The following CSMD2 variants were observed in gnomAD, a reference collection of about 807,000 sequenced individuals.
The protein encoded by CSMD2 is CUB and sushi domain-containing protein 2.
Under a neutral mutation model 398.5 loss-of-function variants are expected in CSMD2, and 130 were observed. That is an observed-to-expected ratio of 0.33 (90% CI 0.28 to 0.38). CSMD2 has a LOEUF of 0.38. Ranked by LOEUF, CSMD2 falls within the 10% of genes least tolerant of loss-of-function variation. The pLI, the probability that CSMD2 is intolerant of heterozygous loss-of-function variation, is 1.00. For synonymous variants in CSMD2, 1,828 were observed against 1,908.5 expected (o/e 0.96, Z 1.10); for missense variants, 3,829 against 4,764.9 (o/e 0.80, Z 5.78).
chr1:33,745,147 T>G (rs1455930608), intron 13 of CSMD2, among the ~76,000 whole-genome samples: 2 of 152,198 alleles, frequency 1.3e-5, no homozygotes, highest in African/African-American at 4.8e-5. Context: ...GTAGAAAGAA[T>G]GTTAAACATA....
At chr1:33,625,957 C>T (rs1389718957) in intron 33 of CSMD2, among the ~76,000 whole-genome samples, 3 of 152,212 alleles carry the variant, frequency 2.0e-5, no homozygotes, top group African/African-American at 4.8e-5. Flanking sequence ...AGCTACTTCC[C>T]GAAGCCTCTT....
intron 2 of CSMD2, among the ~76,000 whole-genome samples, chr1:34,037,746 C>T (rs1250246207): frequency 6.6e-6 from 1 of 152,176 alleles, no homozygotes; most frequent in Non-Finnish European, 1.5e-5. Flanking sequence ...CTATGAAGTC[C>T]TCTCTGAGAA....
chr1:33,837,982 G>C (rs1360056326), intron 6 of CSMD2, among the ~76,000 whole-genome samples: 1 of 152,222 alleles, frequency 6.6e-6, no homozygotes, highest in Non-Finnish European at 1.5e-5. Context: ...CTAGTCTGCA[G>C]CATGACTTAC....
At position 33,519,784 on chromosome 1, in the gene CSMD2, C is replaced by G; in HGVS notation, c.10736+28G>C. 1 of 1,613,106 alleles carries G rather than the reference C, an allele frequency of 6.2e-7. No individual in the cohort carries two copies. The highest frequency in any genetic ancestry group is 1.3e-5 in the African/African-American group (1 of 74,958). On this transcript the variant is annotated intron_variant, in intron 69 of 70. Coordinates refer to ENST00000373381, the MANE Select transcript of CSMD2 (RefSeq NM_001281956.2). The surrounding 1 kb of genome is among the most constrained non-coding windows in gnomAD (Gnocchi z 5.6). ...GGGAGAGAGGGAGGCCTGCCTGATG[C>G]CCGCCCTGCCTCCTTCCTGCACGGT... is the stretch of plus-strand genomic sequence containing the variant.
chr1:33,602,580 G>A (rs374608102), intron 42 of CSMD2, 34 bp from the exon 43 acceptor site: 6 of 1,520,970 alleles, frequency 3.9e-6, no homozygotes, highest in Non-Finnish European at 5.3e-6. Flanking sequence ...TAAGTGCAGG[G>A]CCTCGGTACC....
Position 33,546,026 on chromosome 1 carries a change from A to G in CSMD2, c.9100+11T>C. On this transcript the variant is annotated intron_variant, in intron 57 of 70. Transcript: ENST00000373381. The stretch of plus-strand genomic sequence containing the variant: ...GGCAAAGGGGAGAAGCAGAATGGTC[A>G]CATACATTACCTCCACACTCAGGCT... The G allele has an allele frequency of 6.2e-7, 1 of 1,605,038 alleles. No individual in the cohort carries two copies. The highest frequency in any genetic ancestry group is 8.5e-7 in the Non-Finnish European group (1 of 1,173,404).
chr1:33,650,546 G>A (rs929132838), intron 28 of CSMD2, among the ~76,000 whole-genome samples: 2 of 152,040 alleles, frequency 1.3e-5, no homozygotes, highest in African/African-American at 4.8e-5. Context: ...GGCTTAGGAT[G>A]GGGTGGGCTT....
chr1:33,836,240 G>T (rs1324121008), intron 6 of CSMD2, among the ~76,000 whole-genome samples: 2 of 152,204 alleles, frequency 1.3e-5, no homozygotes, highest in Non-Finnish European at 2.9e-5. Context: ...TCTCAGAGGA[G>T]TACCCGGCTG....
At chr1:33,739,440 C>T (rs763178228) in intron 14 of CSMD2, 106 bp from the exon 15 acceptor site, 1 of 1,078,504 alleles carries the variant, frequency 9.3e-7, no homozygotes, top group Non-Finnish European at 1.3e-6. Context: ...ACTCCACCAC[C>T]TCCCCAAGAA....
At chr1:33,890,331 C>A (rs1230118399) in intron 5 of CSMD2, among the ~76,000 whole-genome samples, 7 of 150,248 alleles carry the variant, frequency 4.7e-5, no homozygotes, top group African/African-American at 1.7e-4. Flanking sequence ...CCCGGGTGCA[C>A]ACCATTCTCC....
rs1462895583 is a variant in CSMD2 at position 33,569,447 on chromosome 1, G to A, written c.8058C>T (p.Tyr2686=). ...ATAIFSCNSG[Y]TLVGSRVREC... is the part of the protein sequence containing the mutation. The stretch of plus-strand genomic sequence containing the variant: ...CACGCACCCTGGAGCCCACCAGTGT[G>A]TATCCGGAATTGCAGGAGAAGATGG... Residue 2686 remains tyrosine (Y), a synonymous_variant, in exon 52 of 71, where the codon TAC becomes TAT. Transcript: ENST00000373381. The A allele has an allele frequency of 6.8e-6, 11 of 1,614,184 alleles. No homozygotes were observed. The highest frequency in any genetic ancestry group is 1.1e-5 in the South Asian group (1 of 91,082).
chr1:33,865,705 C>T lies in CSMD2; in HGVS notation c.921-18709G>A, dbSNP rs1350248684. On this transcript the variant is annotated intron_variant, in intron 5 of 70. Coordinates refer to ENST00000373381, the MANE Select transcript of CSMD2 (RefSeq NM_001281956.2). ...ATCTCATAGGGCCCAAGAAGGAGGCCGAGATGCTAGAATCCCTGTGGCATC... is the reference window on the plus strand; with the variant it reads ...ATCTCATAGGGCCCAAGAAGGAGGCTGAGATGCTAGAATCCCTGTGGCATC... Among the ~76,000 whole-genome samples the T allele has an allele frequency of 5.9e-5, 9 of 152,234 alleles. No homozygotes were observed. In the South Asian group the frequency reaches 1.7e-3, roughly 28 times the overall value.
intron 4 of CSMD2, among the ~76,000 whole-genome samples, chr1:33,922,060 C>G (rs183381803): frequency 2.3e-4 from 35 of 152,076 alleles, no homozygotes; most frequent in Non-Finnish European, 4.3e-4. Flanking sequence ...GACAGGGACG[C>G]TAGAGGAGAC....
At chr1:33,726,796 G>A in intron 15 of CSMD2, 111 bp from the exon 16 acceptor site, 1 of 1,193,400 alleles carries the variant, frequency 8.4e-7, no homozygotes, top group East Asian at 2.6e-5. Flanking sequence ...TTGTTTTTAT[G>A]GAAAATTACA....
chr1:33,521,982 A>T (rs1210184481), intron 67 of CSMD2, among the ~76,000 whole-genome samples: 1 of 152,208 alleles, frequency 6.6e-6, no homozygotes, highest in Non-Finnish European at 1.5e-5. Flanking sequence ...ATTATGGAAC[A>T]CACAGAACCA....
chr1:33,802,135 T>G (rs1655679945), intron 10 of CSMD2, among the ~76,000 whole-genome samples: 1 of 152,134 alleles, frequency 6.6e-6, no homozygotes, highest in South Asian at 2.1e-4. Flanking sequence ...TTATAAGGAC[T>G]GAGATAACCC....
chr1:33,620,895 G>A (rs1641730124), intron 37 of CSMD2, among the ~76,000 whole-genome samples: 1 of 147,392 alleles, frequency 6.8e-6, no homozygotes, highest in South Asian at 2.2e-4. Context: ...TCTTTCTGAA[G>A]CAGCTGGATG....
At chr1:33,881,252 G>A (rs892700238) in intron 5 of CSMD2, among the ~76,000 whole-genome samples, 2 of 152,156 alleles carry the variant, frequency 1.3e-5, no homozygotes, top group African/African-American at 4.8e-5. Flanking sequence ...CTGATCCTCT[G>A]AGACAGTCAG....
chr1:33,920,564 A>AAAAG lies in CSMD2; in HGVS notation c.713-2264_713-2263insCTTT, dbSNP rs1553253405. Among the ~76,000 whole-genome samples, 210 of 144,498 alleles carry AAAAG rather than the reference A, an allele frequency of 1.5e-3. 1 individual carries two copies. Among genetic ancestry groups the AAAAG allele is most frequent in the Non-Finnish European group, 2.5e-3 (160 of 65,238 alleles). The allele number at this position is 144,498 out of a possible 152,430, so 94.8% of individuals were successfully genotyped here. A position where few individuals can be genotyped will look rare whatever the true frequency, so the allele number is the denominator to read the frequency against. The stretch of plus-strand genomic sequence containing the variant: ...TCTCAAAAAAAAAAAAAAAAAAAAA[A>AAAAG]AGAGACCCAAAGGGCTGGAATGCAG... On this transcript the variant is annotated intron_variant, in intron 4 of 70. Transcript: ENST00000373381.
Sources: allele counts gnomAD v4.1 joint callset (sites outside exome capture counted in the v4.1 genomes callset), GRCh38; gene constraint gnomAD v4.1.1; non-coding constraint Gnocchi (gnomAD v3.1); transcripts MANE v1.5; gene names NCBI Gene and HGNC (gene_info 2026-07-23, HGNC 2026-07-21).